Variants in RNGTT observed in about 807,000 individuals in gnomAD.
RNGTT encodes RNA guanylyltransferase and 5'-phosphatase, also known as mRNA-capping enzyme.
RNGTT carries 33 observed loss-of-function variants against 79.3 expected under a neutral mutation model. The observed-to-expected ratio is 0.42, with a 90% confidence interval of 0.32 to 0.56. The LOEUF (loss-of-function observed/expected upper bound fraction) is 0.56. Among genes scored for constraint, RNGTT ranks in the 20% least tolerant of loss-of-function variants. The pLI is 0.17. For synonymous variants in RNGTT, 222 were observed against 235.9 expected (o/e 0.94, Z 0.54); for missense variants, 497 against 739.1 (o/e 0.67, Z 3.80).
At chr6:88,952,668 G>A (rs761269221) in intron 1 of RNGTT, among the ~76,000 whole-genome samples, 19 of 152,188 alleles carry the variant, frequency 1.2e-4, no homozygotes, top group African/African-American at 3.6e-4. Flanking sequence ...TGAGAAAGCC[G>A]ACACATTAAA....
intron 13 of RNGTT, among the ~76,000 whole-genome samples, chr6:88,741,953 G>A (rs774723911): frequency 1.1e-4 from 17 of 152,106 alleles, no homozygotes; most frequent in Non-Finnish European, 2.5e-4. Flanking sequence ...CTTTTCATAA[G>A]GATCTAGATC....
intron 8 of RNGTT, among the ~76,000 whole-genome samples, chr6:88,865,680 A>G (rs1782144403): frequency 1.3e-5 from 2 of 152,280 alleles, no homozygotes; most frequent in East Asian, 1.9e-4. Context: ...GAGAATTCAT[A>G]TTTTAAAAAC....
chr6:88,632,536 GAC>G (rs1300944817), intron 14 of RNGTT, among the ~76,000 whole-genome samples: 126 of 98,478 alleles, frequency 1.3e-3, no homozygotes, highest in African/African-American at 3.7e-3. Context: ...CAGACACACA[GAC>G]ACACAGACAC....
intron 14 of RNGTT, among the ~76,000 whole-genome samples, chr6:88,654,670 G>A (rs1193902081): frequency 6.6e-6 from 1 of 152,066 alleles, no homozygotes; most frequent in Non-Finnish European, 1.5e-5. Context: ...CATGAGTTCA[G>A]GGACAGGTAA....
chr6:88,766,811 T>C (rs1778477016), intron 13 of RNGTT, among the ~76,000 whole-genome samples: 1 of 152,256 alleles, frequency 6.6e-6, no homozygotes, highest in East Asian at 1.9e-4. Flanking sequence ...TATTCCATTT[T>C]AGGCTTTGTA....
intron 6 of RNGTT, among the ~76,000 whole-genome samples, chr6:88,897,943 A>G (rs1783308670): frequency 6.6e-6 from 1 of 152,160 alleles, no homozygotes; most frequent in South Asian, 2.1e-4. Flanking sequence ...AGGAAGAGTG[A>G]GCTCAGGATG....
intron 8 of RNGTT, among the ~76,000 whole-genome samples, chr6:88,876,835 A>G (rs1337969361): frequency 6.6e-6 from 1 of 152,184 alleles, no homozygotes; most frequent in Non-Finnish European, 1.5e-5. Context: ...GGTTGCACCT[A>G]TGTTTGCAAT....
intron 12 of RNGTT, among the ~76,000 whole-genome samples, chr6:88,788,849 A>G (rs1351982697): frequency 6.6e-6 from 1 of 152,234 alleles, no homozygotes; most frequent in Non-Finnish European, 1.5e-5. Context: ...TCAAAATAAG[A>G]TATTAGTGTA....
At chr6:88,891,724 G>GC (rs1431914041) in intron 7 of RNGTT, 82 bp downstream of exon 7, 7 of 819,430 alleles carry the variant, frequency 8.5e-6, no homozygotes, top group Non-Finnish European at 1.3e-5. Flanking sequence ...ACTTCAAGGA[G>GC]CCAAGAAGAT....
chr6:88,768,139 A>AGTGTGTGTGT (rs71021394), intron 13 of RNGTT, among the ~76,000 whole-genome samples: 2,732 of 148,880 alleles, frequency 0.018, 43 homozygotes, highest in East Asian at 0.048. Flanking sequence ...ATTTAGGGAT[A>AGTGTGTGTGT]GTGTGTGTGT....
intron 13 of RNGTT, among the ~76,000 whole-genome samples, chr6:88,681,035 T>A (rs372042937): frequency 1.3e-5 from 2 of 152,170 alleles, no homozygotes; most frequent in African/African-American, 4.8e-5. Context: ...CGCTCCCAAA[T>A]CATTGCTGGT....
chr6:88,790,615 C>A (rs1779376511), intron 12 of RNGTT, among the ~76,000 whole-genome samples: 1 of 151,126 alleles, frequency 6.6e-6, no homozygotes, highest in Non-Finnish European at 1.5e-5. Context: ...ATTTGTATAT[C>A]CTCCAATTTA....
chr6:88,961,740 G>A (rs1785632686), intron 1 of RNGTT, among the ~76,000 whole-genome samples: 3 of 152,228 alleles, frequency 2.0e-5, no homozygotes. Flanking sequence ...GAGGTTGGCA[G>A]TTTCTTAAAA....
intron 13 of RNGTT, among the ~76,000 whole-genome samples, chr6:88,723,841 C>T (rs1405658251): frequency 1.3e-5 from 2 of 152,064 alleles, no homozygotes; most frequent in Non-Finnish European, 2.9e-5. Context: ...TCTCCTGCCT[C>T]AGCCTCCCCA....
At chr6:88,741,506 T>A (rs1470080709) in intron 13 of RNGTT, among the ~76,000 whole-genome samples, 1 of 152,062 alleles carries the variant, frequency 6.6e-6, no homozygotes, top group Non-Finnish European at 1.5e-5. Context: ...GGTGACAAGA[T>A]CAATTATACC....
At chr6:88,787,006 C>T (rs1021449720) in intron 12 of RNGTT, among the ~76,000 whole-genome samples, 3 of 152,164 alleles carry the variant, frequency 2.0e-5, no homozygotes, top group Non-Finnish European at 4.4e-5. Context: ...CACACCGAAT[C>T]TGCCAACACC....
chr6:88,941,543 C>T lies in RNGTT; in HGVS notation c.65-363G>A, dbSNP rs187562151. Reference sequence around the variant, plus strand: ...TCGGCCTTCCAAAGTGCTGGAATTACAGGCGTGAGCCACCGCACCCAGCCT... The same window carrying T: ...TCGGCCTTCCAAAGTGCTGGAATTATAGGCGTGAGCCACCGCACCCAGCCT... On this transcript the variant is annotated intron_variant, in intron 1 of 15. Coordinates refer to ENST00000369485, the MANE Select transcript of RNGTT (RefSeq NM_003800.5). 3.0e-3 allele frequency among the ~76,000 whole-genome samples: 459 copies of T among 152,070 alleles called. 7 individuals carry two copies. Among genetic ancestry groups the T allele is most frequent in the East Asian group, 0.017 (85 of 5,142 alleles).
intron 14 of RNGTT, among the ~76,000 whole-genome samples, chr6:88,646,610 T>C (rs1773570673): frequency 6.6e-6 from 1 of 152,170 alleles, no homozygotes; most frequent in African/African-American, 2.4e-5. Flanking sequence ...CCACCAATGA[T>C]AGACTGGATT....
intron 6 of RNGTT, among the ~76,000 whole-genome samples, chr6:88,901,495 C>CTTTTTTTTTTTTCT (rs1783459799): frequency 1.5e-5 from 1 of 65,776 alleles, no homozygotes; most frequent in Non-Finnish European, 2.7e-5. Context: ...GCACCCTGAT[C>CTTTTTTTTTTTTCT]TTTTTTTTTT....
Sources: allele counts gnomAD v4.1 joint callset (sites outside exome capture counted in the v4.1 genomes callset), GRCh38; gene constraint gnomAD v4.1.1; transcripts MANE v1.5; gene names NCBI Gene and HGNC (gene_info 2026-07-23, HGNC 2026-07-21).